The following LSM14A variants were observed in gnomAD, a reference collection of about 807,000 sequenced individuals.
LSM14A encodes the protein LSM14A mRNA processing body assembly factor.
LSM14A carries 14 observed loss-of-function variants against 52.4 expected under a neutral mutation model. The ratio of observed to expected loss-of-function variants is 0.27; its 90% confidence interval spans 0.18 to 0.42. LSM14A has a LOEUF of 0.42. Among genes scored for constraint, LSM14A ranks in the 10% least tolerant of loss-of-function variants. The probability of loss-of-function intolerance (pLI) is 1.00; values close to 1 mark genes in which losing one functional copy is unlikely to be tolerated. For missense variants in LSM14A, 417 were observed against 581.8 expected (o/e 0.72, Z 2.91); for synonymous variants, 185 against 200.3 (o/e 0.92, Z 0.64).
At chr19:34,226,390 T>TTC in intron 9 of LSM14A, 3 of 1,493,354 alleles carry the variant, frequency 2.0e-6, no homozygotes, top group Non-Finnish European at 2.7e-6. Flanking sequence ...TTTTTTTTTT[T>TTC]TTTTTTTTAC....
At chr19:34,202,058 T>C (rs2071330126) in intron 3 of LSM14A, among the ~76,000 whole-genome samples, 1 of 151,770 alleles carries the variant, frequency 6.6e-6, no homozygotes, top group Admixed American at 6.6e-5. Context: ...CTGGGTTCAG[T>C]CTGCCTGCCT....
At position 34,222,892 on chromosome 19, in the gene LSM14A, T is replaced by A. The variant is rs144389573; in HGVS notation, c.1368+1154T>A. ...CTTATCACTGTTACTGCCCTTAAGT[T>A]TGCCAGTGACACCTTGCTTACAGAA... On this transcript the variant is annotated intron_variant, in intron 9 of 9. Coordinates refer to ENST00000544216, the MANE Select transcript of LSM14A (RefSeq NM_015578.4). 2.8e-4 allele frequency among the ~76,000 whole-genome samples: 43 copies of A among 152,304 alleles called. No individual in the cohort carries two copies. The East Asian group carries it at 8.1e-3, about 29-fold the overall frequency.
chr19:34,221,912 C>T, intron 9 of LSM14A, 174 bp downstream of exon 9: 1 of 1,271,362 alleles, frequency 7.9e-7, no homozygotes, highest in Non-Finnish European at 1.0e-6. Context: ...AGACATTATA[C>T]AAAAAAAGAC....
intron 1 of LSM14A, among the ~76,000 whole-genome samples, chr19:34,173,732 A>G (rs571109474): frequency 7.9e-5 from 12 of 152,346 alleles, no homozygotes; most frequent in South Asian, 2.1e-4. Context: ...GAGGGAAGCT[A>G]GATAACCTAG....
At chr19:34,211,904 T>A (rs1329326562) in intron 4 of LSM14A, among the ~76,000 whole-genome samples, 4 of 152,210 alleles carry the variant, frequency 2.6e-5, no homozygotes, top group Non-Finnish European at 4.4e-5. Context: ...TAAAACAGTT[T>A]ATCTTTAAAA....
chr19:34,192,333 T>G (rs1031503155), intron 1 of LSM14A, among the ~76,000 whole-genome samples: 1 of 132,266 alleles, frequency 7.6e-6, no homozygotes, highest in African/African-American at 2.7e-5. Flanking sequence ...TTTTTTTTTT[T>G]TTTTTTTTTG....
intron 1 of LSM14A, among the ~76,000 whole-genome samples, chr19:34,183,396 C>G (rs1174981189): frequency 6.6e-6 from 1 of 151,968 alleles, no homozygotes; most frequent in Non-Finnish European, 1.5e-5. Flanking sequence ...ACTAAAAATA[C>G]AAAAATTAGC....
intron 3 of LSM14A, among the ~76,000 whole-genome samples, chr19:34,198,952 A>G (rs1274402865): frequency 3.3e-5 from 5 of 151,988 alleles, no homozygotes; most frequent in Admixed American, 6.5e-5. Flanking sequence ...GTACCACTGC[A>G]CTCCAGCCTG....
At chr19:34,192,662 A>G (rs1430198220) in intron 1 of LSM14A, among the ~76,000 whole-genome samples, 1 of 142,996 alleles carries the variant, frequency 7.0e-6, no homozygotes, top group Non-Finnish European at 1.5e-5. Flanking sequence ...AAAAAAAAAA[A>G]AAAAAGCGTA....
intron 3 of LSM14A, among the ~76,000 whole-genome samples, chr19:34,207,467 T>A (rs1242794524): frequency 6.6e-6 from 1 of 152,020 alleles, no homozygotes; most frequent in Non-Finnish European, 1.5e-5. Context: ...CAGACTGGAC[T>A]GCACCTCCAA....
chr19:34,180,133 G>A (rs1023783893), intron 1 of LSM14A, among the ~76,000 whole-genome samples: 3 of 152,156 alleles, frequency 2.0e-5, no homozygotes, highest in South Asian at 4.1e-4. Flanking sequence ...TGCCCAGGTC[G>A]GTCTCTAACT....
intron 1 of LSM14A, among the ~76,000 whole-genome samples, chr19:34,180,077 AC>A (rs2069369155): frequency 6.6e-6 from 1 of 152,092 alleles, no homozygotes; most frequent in African/African-American, 2.4e-5. Context: ...ACACCACCAC[AC>A]CCAGCTAATT....
intron 2 of LSM14A, among the ~76,000 whole-genome samples, chr19:34,195,877 A>T (rs1163688556): frequency 6.6e-6 from 1 of 152,222 alleles, no homozygotes; most frequent in Non-Finnish European, 1.5e-5. Flanking sequence ...ACTTCTTCCA[A>T]TCATCATAAA....
chr19:34,204,198 A>G (rs944335954), intron 3 of LSM14A, among the ~76,000 whole-genome samples: 10 of 152,234 alleles, frequency 6.6e-5, no homozygotes, highest in Non-Finnish European at 1.3e-4. Flanking sequence ...TTTTAAGTAG[A>G]CATGAACTGC....
At chr19:34,176,267 C>T (rs2069083930) in intron 1 of LSM14A, among the ~76,000 whole-genome samples, 1 of 151,900 alleles carries the variant, frequency 6.6e-6, no homozygotes, top group African/African-American at 2.4e-5. Flanking sequence ...ACAGTCTTAG[C>T]ATTCTCTTTT....
chr19:34,210,523 T>C lies in LSM14A; in HGVS notation c.538+1472T>C, dbSNP rs571196988. Among the ~76,000 whole-genome samples the C allele has an allele frequency of 1.9e-4, 29 of 152,340 alleles. No individual in the cohort carries two copies. In the South Asian group the frequency reaches 5.8e-3, roughly 30 times the overall value. Reference sequence around the variant, plus strand: ...CTGACCTCAAGTGATCCACCTGCCTTGGCCTCCCAAAGTGCTGGGATTGTA... The same window carrying C: ...CTGACCTCAAGTGATCCACCTGCCTCGGCCTCCCAAAGTGCTGGGATTGTA... On this transcript the variant is annotated intron_variant, in intron 4 of 9. Transcript: ENST00000544216.
chr19:34,176,461 A>G (rs1375032396), intron 1 of LSM14A, among the ~76,000 whole-genome samples: 1 of 152,138 alleles, frequency 6.6e-6, no homozygotes, highest in African/African-American at 2.4e-5. Context: ...TTCCCATCAC[A>G]ACTATCACCA....
rs2071364465 is a variant in LSM14A, at chr19:34,202,403, G to A, written c.415+5640G>A. ...AGCTGCTCCAGAGGCTGAGGTGGGGGGATTGCTTGAGCCTGAGAGGTAGAG... is the reference window on the plus strand; with the variant it reads ...AGCTGCTCCAGAGGCTGAGGTGGGGAGATTGCTTGAGCCTGAGAGGTAGAG... On this transcript the variant is annotated intron_variant, in intron 3 of 9. Transcript: ENST00000544216. Among the ~76,000 whole-genome samples, 5 of 151,342 alleles carry A rather than the reference G, an allele frequency of 3.3e-5. No individual in the cohort carries two copies. In the South Asian group the frequency reaches 8.3e-4, roughly 25 times the overall value.
intron 1 of LSM14A, among the ~76,000 whole-genome samples, chr19:34,192,651 A>C (rs1645874402): frequency 2.4e-5 from 1 of 41,890 alleles, no homozygotes; most frequent in Non-Finnish European, 7.5e-5. Context: ...AAAAAAAAAA[A>C]AAAAAAAAAA....
Sources: allele counts gnomAD v4.1 joint callset (sites outside exome capture counted in the v4.1 genomes callset), GRCh38; gene constraint gnomAD v4.1.1; transcripts MANE v1.5; gene names NCBI Gene and HGNC (gene_info 2026-07-23, HGNC 2026-07-21).